Variants in LTBP2 observed in about 807,000 individuals in gnomAD.
LTBP2 encodes latent transforming growth factor beta binding protein 2.
Under a neutral mutation model 210.6 loss-of-function variants are expected in LTBP2, and 103 were observed. That is an observed-to-expected ratio of 0.49 (90% confidence interval 0.42 to 0.58). The LOEUF is 0.58. LTBP2 is among the 20% of genes least tolerant of loss of function. The probability of loss-of-function intolerance (pLI) is 0.00; values close to 1 mark genes in which losing one functional copy is unlikely to be tolerated. For missense variants in LTBP2, 2,313 were observed against 2,494.5 expected (o/e 0.93, Z 1.55); for synonymous variants, 1,007 against 1,015.0 (o/e 0.99, Z 0.15).
intron 3 of LTBP2, among the ~76,000 whole-genome samples, chr14:74,561,026 T>G (rs554903577): frequency 6.6e-6 from 1 of 152,256 alleles, no homozygotes; most frequent in Admixed American, 6.5e-5. Context: ...TAAAAAAAAT[T>G]TAAGAGTGTT....
rs1408905968 is a variant in LTBP2 at position 74,500,883 on chromosome 14, GCTA to G, written c.5464_5466del (p.Ter1822delextTer30). 3 of 1,613,906 alleles carry G rather than the reference GCTA, an allele frequency of 1.9e-6. No homozygotes were observed. In the Admixed American group the frequency reaches 5.0e-5, roughly 27 times the overall value. ...GTAGTTGCCACACTGACCCCTGACT[GCTA>G]CTCCTTGGCAGTGCAGTGGGGGGGC... is the stretch of plus-strand genomic sequence containing the variant. On this transcript the variant is annotated stop_lost and inframe_deletion, in exon 36 of 36. Coordinates refer to ENST00000261978, the MANE Select transcript of LTBP2 (RefSeq NM_000428.3).
rs759493903 is a variant in LTBP2 at position 74,509,380 on chromosome 14, C to T, written c.3278-17G>A. On this transcript the variant is annotated splice_polypyrimidine_tract_variant and intron_variant, in intron 21 of 35. Transcript: ENST00000261978. ...CATCTAGGTCTGCAGACAGACAGCG[C>T]TCGCCCGGGGACCTAGGAGGGCTCC... 6.2e-7 allele frequency: 1 copy of T among 1,613,026 alleles called. No individual in the cohort carries two copies. Among genetic ancestry groups the T allele is most frequent in the African/African-American group, 1.3e-5 (1 of 75,018 alleles).
chr14:74,510,817 C>T (rs1441080331), intron 19 of LTBP2, among the ~76,000 whole-genome samples: 3 of 152,208 alleles, frequency 2.0e-5, no homozygotes, highest in Non-Finnish European at 4.4e-5. Context: ...CTACTGCAGA[C>T]CTGCTGCCCT....
At chr14:74,541,276 T>C (rs2087504648) in intron 8 of LTBP2, among the ~76,000 whole-genome samples, 1 of 152,134 alleles carries the variant, frequency 6.6e-6, no homozygotes, top group Non-Finnish European at 1.5e-5. Context: ...TTCATCACTG[T>C]TATGTCTCTG....
At chr14:74,519,789 G>A (rs1566620790) in intron 17 of LTBP2, among the ~76,000 whole-genome samples, 1 of 152,150 alleles carries the variant, frequency 6.6e-6, no homozygotes, top group Non-Finnish European at 1.5e-5. Context: ...ACCAGTCCTG[G>A]TGACACCATT....
chr14:74,524,052 A>C (rs1849411466), intron 15 of LTBP2, among the ~76,000 whole-genome samples: 1 of 151,964 alleles, frequency 6.6e-6, no homozygotes, highest in South Asian at 2.1e-4. Context: ...GAGAAGGGGG[A>C]TAGGGCAAAA....
At position 74,505,066 on chromosome 14, in the gene LTBP2, C is replaced by T. The variant is rs116914994; in HGVS notation, c.4286G>A (p.Arg1429Gln). 1.3e-3 allele frequency: 2,021 copies of T among 1,614,146 alleles called. 43 individuals are homozygous for T. In the East Asian group the frequency reaches 0.039, roughly 31 times the overall value. ...GHAPCSSVLG[R>Q]NTTQAECCCT... Reference sequence around the variant, plus strand: ...GCAGCATTCAGCCTGTGTGGTGTTCCGGCCCAGGACACTGGAGCAGGGCGC... The same window carrying T: ...GCAGCATTCAGCCTGTGTGGTGTTCTGGCCCAGGACACTGGAGCAGGGCGC... Residue 1429 changes from arginine (R) to glutamine (Q), a missense_variant, in exon 29 of 36, where the codon CGG becomes CAG. By Grantham distance (43) the Arg-to-Gln change is conservative. Transcript: ENST00000261978.
chr14:74,572,583 G>A (rs542330414), intron 3 of LTBP2, among the ~76,000 whole-genome samples: 1 of 151,966 alleles, frequency 6.6e-6, no homozygotes, highest in Non-Finnish European at 1.5e-5. Context: ...AAAAACTACC[G>A]GACCCATAAA....
Position 74,500,934 on chromosome 14 carries a change from G to T in LTBP2, c.5416C>A (p.Pro1806Thr). ...GGCCCTGCCTCAGCCACATATCCCG[G>T]GGAGCAGTGGCAGCGGTAGGAGCCC... ...TEGSYRCHCS[P>T]GYVAEAGPPH... Residue 1806 changes from proline to threonine, a missense_variant, in exon 36 of 36, where the codon CCG becomes ACG. Around this residue, in one of 3 missense-constraint regions of LTBP2, gnomAD observed 443 missense variants for 501.4 expected, o/e 0.88. Coordinates refer to ENST00000261978, the MANE Select transcript of LTBP2 (RefSeq NM_000428.3). The T allele has an allele frequency of 6.2e-7, 1 of 1,614,192 alleles. No homozygotes were observed. Among genetic ancestry groups the T allele is most frequent in the Non-Finnish European group, 8.5e-7 (1 of 1,180,038 alleles).
chr14:74,567,894 G>A (rs1351275186), intron 3 of LTBP2, among the ~76,000 whole-genome samples: 6 of 152,106 alleles, frequency 3.9e-5, no homozygotes, highest in East Asian at 3.9e-4. Context: ...CCCTGGCTCC[G>A]AGTTCCCTCG....
intron 3 of LTBP2, among the ~76,000 whole-genome samples, chr14:74,580,822 G>C (rs2088126265): frequency 6.6e-6 from 1 of 152,158 alleles, no homozygotes; most frequent in Admixed American, 6.5e-5. Context: ...AGCTGGGTAT[G>C]GTGGTGCACA....
chr14:74,579,275 G>C (rs776085005), intron 3 of LTBP2, among the ~76,000 whole-genome samples: 1 of 152,312 alleles, frequency 6.6e-6, no homozygotes, highest in African/African-American at 2.4e-5. Context: ...GGGTCTCCCC[G>C]GCAGTGGCTC....
chr14:74,528,695 G>T lies in LTBP2; in HGVS notation c.2156C>A (p.Ala719Asp). The T allele has an allele frequency of 6.2e-7, 1 of 1,611,684 alleles. No homozygotes were observed. The change falls in exon 12 of 36, where the codon GCC becomes GAC. Residue 719 changes from alanine to aspartate, a missense_variant. Ala to Asp is a moderately radical substitution (Grantham distance 126). Transcript: ENST00000261978. ...CEKCPLPGTEAFREICPAGHG... is the reference protein window; with the variant it reads ...CEKCPLPGTEDFREICPAGHG... ...GCCGGCAGGGCAGATCTCTCTGAAGGCCTCTGCAAAGCCAACAGCCAGAGG... is the reference window on the plus strand; with the variant it reads ...GCCGGCAGGGCAGATCTCTCTGAAGTCCTCTGCAAAGCCAACAGCCAGAGG...
chr14:74,522,758 G>A (rs752535650), intron 16 of LTBP2, 32 bp downstream of exon 16: 20 of 1,598,322 alleles, frequency 1.3e-5, no homozygotes, highest in East Asian at 4.5e-5. Context: ...TACCCCAGCC[G>A]CCAAGTAAGC....
chr14:74,511,082 G>T (rs1188472100), intron 19 of LTBP2, among the ~76,000 whole-genome samples, 163 bp downstream of exon 19: 1 of 152,234 alleles, frequency 6.6e-6, no homozygotes, highest in East Asian at 1.9e-4. Flanking sequence ...GCAGAGCCCT[G>T]GCGACTCATG....
chr14:74,501,862 G>A (rs1356451119), intron 34 of LTBP2: 5 of 527,182 alleles, frequency 9.5e-6, no homozygotes, highest in South Asian at 2.1e-5. Context: ...CACAATGCCC[G>A]GCTCCTGCTG....
At chr14:74,510,765 C>G (rs1182840625) in intron 19 of LTBP2, among the ~76,000 whole-genome samples, 1 of 152,260 alleles carries the variant, frequency 6.6e-6, no homozygotes, top group South Asian at 2.1e-4. Context: ...GAACCCTGAG[C>G]CTTTCTTCCT....
chr14:74,565,454 C>T (rs1005961251), intron 3 of LTBP2, among the ~76,000 whole-genome samples: 2 of 151,938 alleles, frequency 1.3e-5, no homozygotes, highest in Non-Finnish European at 2.9e-5. Context: ...TATCAGTGGC[C>T]GAGGAAAGAA....
At chr14:74,553,664 C>T (rs953845459) in intron 4 of LTBP2, among the ~76,000 whole-genome samples, 1 of 152,082 alleles carries the variant, frequency 6.6e-6, no homozygotes, top group East Asian at 1.9e-4. Flanking sequence ...ATCATGCTGG[C>T]TTTGATGTGC....
Sources: allele counts gnomAD v4.1 joint callset (sites outside exome capture counted in the v4.1 genomes callset), GRCh38; gene constraint gnomAD v4.1.1; regional missense constraint gnomAD v4.1.1; transcripts MANE v1.5; gene names NCBI Gene and HGNC (gene_info 2026-07-23, HGNC 2026-07-21).